The following ROBO1 variants were observed in gnomAD, a reference collection of about 807,000 sequenced individuals.
ROBO1 encodes roundabout homolog 1.
Under a neutral mutation model 195.9 loss-of-function variants are expected in ROBO1, and 149 were observed. The observed-to-expected ratio is 0.76, with a 90% CI of 0.67 to 0.87. ROBO1 has a LOEUF of 0.87. Ranked by LOEUF, ROBO1 falls within the 40% of genes least tolerant of loss-of-function variation. ROBO1 has a pLI of 0.00. For synonymous variants in ROBO1, 816 were observed against 733.2 expected, an observed-to-expected ratio of 1.11 and a Z score of -1.82; for missense variants, 1,933 against 2,068.3, an observed-to-expected ratio of 0.93 and a Z score of 1.27.
chr3:78,900,599 A>G (rs2037523898), intron 4 of ROBO1, among the ~76,000 whole-genome samples: 1 of 152,194 alleles, frequency 6.6e-6, no homozygotes, highest in Admixed American at 6.5e-5. Flanking sequence ...AGCAGTTTCA[A>G]TGATGAAAAA....
intron 1 of ROBO1, among the ~76,000 whole-genome samples, chr3:79,606,987 T>A (rs551605760): frequency 6.6e-6 from 1 of 151,978 alleles, no homozygotes; most frequent in East Asian, 1.9e-4. Flanking sequence ...AATCCCATGA[T>A]TGTCCTTACT....
intron 2 of ROBO1, among the ~76,000 whole-genome samples, chr3:79,430,509 A>C (rs1178173705): frequency 6.6e-6 from 1 of 152,090 alleles, no homozygotes; most frequent in Non-Finnish European, 1.5e-5. Context: ...CGGTTGGGCC[A>C]CCCTACCATA....
At chr3:78,951,749 C>T (rs1407102438) in intron 3 of ROBO1, among the ~76,000 whole-genome samples, 1 of 152,012 alleles carries the variant, frequency 6.6e-6, no homozygotes, top group Admixed American at 6.6e-5. Context: ...AATATTTACA[C>T]AACCACAGCT....
chr3:79,169,710 G>A (rs1265703292), intron 2 of ROBO1, among the ~76,000 whole-genome samples: 1 of 152,038 alleles, frequency 6.6e-6, no homozygotes, highest in Non-Finnish European at 1.5e-5. Flanking sequence ...TTCAGCTTTG[G>A]TGTTACCATT....
At chr3:78,732,283 G>A (rs2082302442) in intron 5 of ROBO1, among the ~76,000 whole-genome samples, 1 of 151,976 alleles carries the variant, frequency 6.6e-6, no homozygotes, top group South Asian at 2.1e-4. Flanking sequence ...GAACAAATAG[G>A]TGCTATCCAT....
chr3:79,111,715 A>C (rs1176679491), intron 3 of ROBO1, among the ~76,000 whole-genome samples: 1 of 152,186 alleles, frequency 6.6e-6, no homozygotes, highest in Non-Finnish European at 1.5e-5. Context: ...GAAAAGAAGA[A>C]AATAATTTTA....
In ROBO1 at chr3:79,708,328, T is replaced by C. The variant is rs756335902; in HGVS notation, c.-51+59424A>G. On this transcript the variant is annotated intron_variant, in intron 1 of 30. Coordinates refer to ENST00000464233, the MANE Select transcript of ROBO1 (RefSeq NM_002941.4). ...ATAATTAAATTATCTTTTCACAATA[T>C]AGTATTCATTTTCCAATTCAGCATA... Among the ~76,000 whole-genome samples, 96 of 152,192 alleles carry C rather than the reference T, an allele frequency of 6.3e-4. 1 individual carries two copies. Among genetic ancestry groups the C allele is most frequent in the Non-Finnish European group, 1.6e-4 (11 of 68,032 alleles).
Position 79,621,848 on chromosome 3 carries a change from C to T in ROBO1, c.-50-31887G>A, listed in dbSNP as rs143079579. On this transcript the variant is annotated intron_variant, in intron 1 of 30. Coordinates refer to ENST00000464233, the MANE Select transcript of ROBO1 (RefSeq NM_002941.4). ...GCTCATAGATTTCATAAAGCAATTG[C>T]GCAGTTGAGACTACAAGGCAACTAC... 2.6e-4 allele frequency among the ~76,000 whole-genome samples: 39 copies of T among 152,148 alleles called. 1 individual carries two copies. In the East Asian group the frequency reaches 3.7e-3, roughly 14 times the overall value.
At chr3:78,907,887 A>G (rs2038018305) in intron 4 of ROBO1, among the ~76,000 whole-genome samples, 1 of 152,016 alleles carries the variant, frequency 6.6e-6, no homozygotes, top group South Asian at 2.1e-4. Context: ...TTTAAAGTGA[A>G]TAACTCCCTT....
chr3:78,711,398 C>CCTTCCTTTCTTT (rs2081724186), intron 8 of ROBO1, among the ~76,000 whole-genome samples: 1 of 39,944 alleles, frequency 2.5e-5, no homozygotes, highest in Non-Finnish European at 6.0e-5. Context: ...TTCCTTCCTT[C>CCTTCCTTTCTTT]CTTTCTTTCT....
intron 7 of ROBO1, among the ~76,000 whole-genome samples, chr3:78,717,029 A>T (rs552335776): frequency 6.6e-6 from 1 of 152,130 alleles, no homozygotes; most frequent in African/African-American, 2.4e-5. Flanking sequence ...CTGTGATATT[A>T]AAGAATATCA....
intron 2 of ROBO1, among the ~76,000 whole-genome samples, chr3:79,434,281 C>T (rs1284090744): frequency 1.3e-5 from 2 of 152,254 alleles, no homozygotes; most frequent in African/African-American, 4.8e-5. Context: ...GAACAGGCAA[C>T]CTACAGAATG....
intron 2 of ROBO1, among the ~76,000 whole-genome samples, chr3:79,220,420 T>C (rs1337629779): frequency 1.3e-5 from 2 of 152,096 alleles, no homozygotes; most frequent in East Asian, 1.9e-4. Context: ...TAGAGTGTAA[T>C]AAATAAACAA....
intron 1 of ROBO1, among the ~76,000 whole-genome samples, chr3:79,760,422 C>CAT (rs1704633555): frequency 1.4e-5 from 2 of 140,782 alleles, no homozygotes; most frequent in Non-Finnish European, 3.1e-5. Flanking sequence ...TTTGAAAAAA[C>CAT]GATACAAAAT....
intron 1 of ROBO1, among the ~76,000 whole-genome samples, chr3:79,685,841 A>C (rs1324445405): frequency 6.6e-6 from 1 of 152,200 alleles, no homozygotes; most frequent in African/African-American, 2.4e-5. Context: ...AATCAATAGA[A>C]AAAGAGGGAA....
chr3:79,515,739 T>C (rs994850183), intron 2 of ROBO1, among the ~76,000 whole-genome samples: 1 of 152,154 alleles, frequency 6.6e-6, no homozygotes, highest in East Asian at 1.9e-4. Flanking sequence ...GTGAATATAG[T>C]CTTTGGGTTG....
At chr3:78,644,584 A>T (rs1367292845) in intron 21 of ROBO1, among the ~76,000 whole-genome samples, 1 of 152,006 alleles carries the variant, frequency 6.6e-6, no homozygotes, top group African/African-American at 2.4e-5. Context: ...ACTGACAGGG[A>T]TTTTATTTTT....
At chr3:79,497,928 C>T (rs1349761734) in intron 2 of ROBO1, among the ~76,000 whole-genome samples, 1 of 152,072 alleles carries the variant, frequency 6.6e-6, no homozygotes, top group African/African-American at 2.4e-5. Flanking sequence ...TGTTGTTAGT[C>T]ATATAATCAT....
At chr3:78,707,021 T>A (rs529419037) in intron 8 of ROBO1, among the ~76,000 whole-genome samples, 1 of 152,290 alleles carries the variant, frequency 6.6e-6, no homozygotes, top group East Asian at 1.9e-4. Flanking sequence ...AAACTAATGC[T>A]TACAGCCTGA....
Sources: gnomAD v4.1 joint callset for allele counts (sites outside exome capture counted in the v4.1 genomes callset) on GRCh38, gnomAD v4.1.1 for gene constraint, MANE v1.5 for transcripts, NCBI Gene and HGNC (gene_info 2026-07-23, HGNC 2026-07-21) for gene names.